RAB38: variants seen among roughly 807,000 people sequenced by gnomAD.
RAB38 encodes RAB38, member RAS oncogene family.
A neutral mutation model predicts 18.4 loss-of-function variants in RAB38; 15 were observed. That is an observed-to-expected ratio of 0.82 (90% confidence interval 0.55 to 1.26). RAB38 has a LOEUF of 1.26. Among genes scored for constraint, RAB38 ranks in the 50% most tolerant of loss-of-function variants. The pLI, the probability that RAB38 is intolerant of heterozygous loss-of-function variation, is 0.00. For synonymous variants in RAB38, 101 were observed against 104.4 expected (o/e 0.97, Z 0.20); for missense variants, 294 against 267.4 (o/e 1.10, Z -0.69).
chr11:88,025,948 C>G, the RAB38 span, among the ~76,000 whole-genome samples: 1 of 151,870 alleles, frequency 6.6e-6, no homozygotes, highest in Non-Finnish European at 1.5e-5. Context: ...TTCCAAAGGC[C>G]AATCTACAGA....
chr11:88,156,362 T>G (rs942841776), intron 1 of RAB38, among the ~76,000 whole-genome samples: 6 of 152,200 alleles, frequency 3.9e-5, no homozygotes, highest in Non-Finnish European at 7.3e-5. Flanking sequence ...CAGAAGAGAC[T>G]GGGGGCCTAT....
At chr11:87,926,295 T>C in the RAB38 span, among the ~76,000 whole-genome samples, 1 of 151,994 alleles carries the variant, frequency 6.6e-6, no homozygotes, top group East Asian at 1.9e-4. Context: ...TCAGAAAAGT[T>C]ATTACCTTCC....
chr11:87,831,609 C>G, the RAB38 span, among the ~76,000 whole-genome samples: 1 of 152,116 alleles, frequency 6.6e-6, no homozygotes, highest in Non-Finnish European at 1.5e-5. Flanking sequence ...GACCATTTGG[C>G]TTACACAATG....
chr11:88,076,439 A>G, the RAB38 span, among the ~76,000 whole-genome samples: 2 of 152,188 alleles, frequency 1.3e-5, no homozygotes, highest in African/African-American at 2.4e-5. Context: ...ACTAGTCAAG[A>G]GAAATAAATA....
intron 1 of RAB38, among the ~76,000 whole-genome samples, chr11:88,161,893 C>A (rs1943192485): frequency 6.6e-6 from 1 of 152,012 alleles, no homozygotes. Context: ...GGTCACAGAA[C>A]CATCAGTAGA....
chr11:88,135,146 T>A (rs1319950690), intron 2 of RAB38, among the ~76,000 whole-genome samples: 3 of 152,146 alleles, frequency 2.0e-5, no homozygotes, highest in African/African-American at 7.2e-5. Flanking sequence ...CCTTCCCCGG[T>A]CACCCTGTCT....
the RAB38 span, among the ~76,000 whole-genome samples, chr11:88,041,489 T>G: frequency 1.3e-5 from 2 of 152,232 alleles, no homozygotes; most frequent in Admixed American, 1.3e-4. Flanking sequence ...ATTCAGAGTT[T>G]TACCCAAATG....
At chr11:88,037,082 C>A in the RAB38 span, among the ~76,000 whole-genome samples, 1 of 152,038 alleles carries the variant, frequency 6.6e-6, no homozygotes, top group Non-Finnish European at 1.5e-5. Flanking sequence ...AAATTTCCTA[C>A]ATAATCATCT....
chr11:87,878,218 T>TACACAC, the RAB38 span, among the ~76,000 whole-genome samples: 3 of 116,948 alleles, frequency 2.6e-5, no homozygotes, highest in East Asian at 2.2e-4. Context: ...TATATATATA[T>TACACAC]ATATACACAC....
At chr11:87,906,039 A>C in the RAB38 span, among the ~76,000 whole-genome samples, 1 of 152,006 alleles carries the variant, frequency 6.6e-6, no homozygotes, top group Non-Finnish European at 1.5e-5. Flanking sequence ...GAGGCTCACC[A>C]CATTTGTTAT....
rs533797401 is a variant in RAB38 at position 88,119,211 on chromosome 11, C to T, written c.484-5071G>A. On this transcript the variant is annotated intron_variant, in intron 2 of 2. Coordinates refer to ENST00000243662, the MANE Select transcript of RAB38 (RefSeq NM_022337.3). ...GATCTAATTGGTCTGACATGGGGCCCTACCTAGCATGAGCATTAAAAAAAA... is the reference window on the plus strand; with the variant it reads ...GATCTAATTGGTCTGACATGGGGCCTTACCTAGCATGAGCATTAAAAAAAA... Among the ~76,000 whole-genome samples, 5 of 152,136 alleles carry T rather than the reference C, an allele frequency of 3.3e-5. No individual in the cohort carries two copies. The South Asian group carries it at 1.0e-3, about 32-fold the overall frequency.
the RAB38 span, among the ~76,000 whole-genome samples, chr11:88,017,731 T>C: frequency 6.8e-6 from 1 of 146,548 alleles, no homozygotes; most frequent in South Asian, 2.1e-4. Context: ...ATATTATATA[T>C]ATATATAATA....
At chr11:87,953,800 G>T in the RAB38 span, among the ~76,000 whole-genome samples, 2 of 149,760 alleles carry the variant, frequency 1.3e-5, no homozygotes, top group African/African-American at 4.9e-5. Flanking sequence ...AATACTGTAT[G>T]TTTCTCTTTA....
At chr11:88,019,766 C>A in the RAB38 span, among the ~76,000 whole-genome samples, 1 of 152,196 alleles carries the variant, frequency 6.6e-6, no homozygotes, top group Non-Finnish European at 1.5e-5. Flanking sequence ...TTATGACACT[C>A]ATTTTCACTT....
chr11:87,853,358 G>C, the RAB38 span, among the ~76,000 whole-genome samples: 1 of 152,298 alleles, frequency 6.6e-6, no homozygotes, highest in East Asian at 1.9e-4. Flanking sequence ...ATTTTTATGA[G>C]AATAGGAAGA....
the RAB38 span, among the ~76,000 whole-genome samples, chr11:88,089,448 A>G: frequency 6.6e-6 from 1 of 151,942 alleles, no homozygotes; most frequent in East Asian, 1.9e-4. Flanking sequence ...AATAATTTCC[A>G]GAAGAGAGTG....
chr11:87,810,092 T>C, the RAB38 span, among the ~76,000 whole-genome samples: 1 of 152,188 alleles, frequency 6.6e-6, no homozygotes, highest in South Asian at 2.1e-4. Context: ...AATTGGATTG[T>C]CTATTATCAT....
intron 1 of RAB38, among the ~76,000 whole-genome samples, chr11:88,163,915 G>A (rs1048804379): frequency 1.1e-4 from 17 of 152,158 alleles, no homozygotes; most frequent in African/African-American, 4.1e-4. Context: ...GAGATAAAAA[G>A]ATCATCTAGC....
chr11:87,972,206 G>A, the RAB38 span, among the ~76,000 whole-genome samples: 1 of 151,990 alleles, frequency 6.6e-6, no homozygotes, highest in East Asian at 1.9e-4. Flanking sequence ...CACACTTCAG[G>A]ACGCCTTCCT....
Sources: allele counts gnomAD v4.1 joint callset (sites outside exome capture counted in the v4.1 genomes callset), GRCh38; gene constraint gnomAD v4.1.1; transcripts MANE v1.5; gene names NCBI Gene and HGNC (gene_info 2026-07-23, HGNC 2026-07-21).